The following SLC5A4 variants were observed in gnomAD, a reference collection of about 807,000 sequenced individuals.
SLC5A4 encodes solute carrier family 5 member 4, also known as probable glucose sensor protein SLC5A4.
In SLC5A4, 55 loss-of-function variants were observed where a neutral mutation model predicts 70.3. The observed-to-expected ratio is 0.78, with a 90% CI of 0.63 to 0.98. The LOEUF (loss-of-function observed/expected upper bound fraction) is 0.98, where lower values mean the gene tolerates loss of function less well. Ranked by LOEUF, SLC5A4 falls within the 50% of genes least tolerant of loss-of-function variation. SLC5A4 has a pLI of 0.00. For missense variants in SLC5A4, 735 were observed against 839.2 expected (o/e 0.88, Z 1.53); for synonymous variants, 268 against 305.7 (o/e 0.88, Z 1.29).
the SLC5A4 span, among the ~76,000 whole-genome samples, chr22:32,267,317 A>G: frequency 2.0e-5 from 3 of 152,170 alleles, no homozygotes; most frequent in African/African-American, 7.2e-5. Flanking sequence ...GAGGAGGGAC[A>G]CTCTACACAA....
the SLC5A4 span, chr22:32,285,132 G>A: frequency 3.3e-5 from 5 of 152,110 alleles, no homozygotes; most frequent in African/African-American, 9.7e-5. Context: ...AATAAAAGTA[G>A]ATGTGTGTGT....
the SLC5A4 span, among the ~76,000 whole-genome samples, chr22:32,291,953 A>G: frequency 2.1e-5 from 3 of 144,676 alleles, no homozygotes; most frequent in African/African-American, 7.6e-5. Flanking sequence ...GCTCACTGCA[A>G]CCTTTGCCTC....
chr22:32,305,680 G>C, the SLC5A4 span, among the ~76,000 whole-genome samples: 1 of 149,648 alleles, frequency 6.7e-6, no homozygotes, highest in South Asian at 2.1e-4. Flanking sequence ...AGGGACACAC[G>C]GTCCCAGTGT....
the SLC5A4 span, among the ~76,000 whole-genome samples, chr22:32,312,973 T>TA: frequency 2.0e-5 from 3 of 152,302 alleles, no homozygotes; most frequent in Admixed American, 2.0e-4. Context: ...CATGTGACTT[T>TA]AAGACTGGAA....
chr22:32,321,537 T>G, the SLC5A4 span, among the ~76,000 whole-genome samples: 1 of 152,118 alleles, frequency 6.6e-6, no homozygotes, highest in Non-Finnish European at 1.5e-5. Context: ...GTCATGGGGG[T>G]TTGTTGTACA....
rs1330776709 is a variant in SLC5A4, at chr22:32,238,974, A to C, written c.583+11T>G. On this transcript the variant is annotated intron_variant, in intron 6 of 14. Coordinates refer to ENST00000266086, the MANE Select transcript of SLC5A4 (RefSeq NM_014227.3). ...GATAGCCTGAGTGAGCAAAATATGC[A>C]ACATACTTACCAGTGGTGGTGTAAA... 6.3e-7 allele frequency: 1 copy of C among 1,596,286 alleles called. No homozygotes were observed. The highest frequency in any genetic ancestry group is 2.2e-5 in the East Asian group (1 of 44,802).
the SLC5A4 span, among the ~76,000 whole-genome samples, chr22:32,302,032 TAGAAG>T: frequency 6.6e-6 from 1 of 152,142 alleles, no homozygotes; most frequent in Admixed American, 6.5e-5. Flanking sequence ...ATAAAGTTCT[TAGAAG>T]AGAACATATG....
chr22:32,256,037 G>T (rs534627186), upstream of SLC5A4, among the ~76,000 whole-genome samples: 1 of 152,204 alleles, frequency 6.6e-6, no homozygotes, highest in South Asian at 2.1e-4. Context: ...TAGAAGTAAA[G>T]CCTATGCGGT....
chr22:32,305,572 G>T, the SLC5A4 span, among the ~76,000 whole-genome samples: 2 of 148,370 alleles, frequency 1.3e-5, no homozygotes, highest in Non-Finnish European at 3.0e-5. Flanking sequence ...CAGGTGAGGT[G>T]GGACTGGGCT....
chr22:32,270,904 G>A, the SLC5A4 span: 1 of 568,650 alleles, frequency 1.8e-6, no homozygotes, highest in Non-Finnish European at 3.3e-6. Context: ...CGCTGTGCCT[G>A]TACCGAGACC....
chr22:32,276,969 G>C, the SLC5A4 span: 6 of 151,928 alleles, frequency 3.9e-5, no homozygotes, highest in African/African-American at 1.2e-4. Context: ...CTTATAATTT[G>C]TTTTGGCATC....
At chr22:32,256,199 T>C (rs1390176238), upstream of SLC5A4, among the ~76,000 whole-genome samples, 4 of 152,004 alleles carry the variant, frequency 2.6e-5, no homozygotes, top group African/African-American at 9.7e-5. Context: ...TCCCAGCTAC[T>C]TGGGAGGCTG....
intron 6 of SLC5A4, among the ~76,000 whole-genome samples, chr22:32,238,643 G>A (rs1484051694): frequency 1.3e-5 from 2 of 152,110 alleles, no homozygotes; most frequent in Admixed American, 1.3e-4. Flanking sequence ...TCATTTGCTA[G>A]TCTCCTATCT....
At chr22:32,273,062 C>T in the SLC5A4 span, 1 of 520,064 alleles carries the variant, frequency 1.9e-6, no homozygotes, top group Non-Finnish European at 3.8e-6. Flanking sequence ...TATCCGACAT[C>T]ATCCTGGATG....
At chr22:32,291,285 C>T in the SLC5A4 span, among the ~76,000 whole-genome samples, 2 of 150,486 alleles carry the variant, frequency 1.3e-5, no homozygotes, top group African/African-American at 4.9e-5. Context: ...AAGCGATTCT[C>T]TTGCCTCAGC....
chr22:32,311,399 C>T, the SLC5A4 span, among the ~76,000 whole-genome samples: 1,747 of 152,318 alleles, frequency 0.011, 16 homozygotes, highest in South Asian at 0.026. Flanking sequence ...GATTTGGTAT[C>T]ACTAACACCC....
the SLC5A4 span, among the ~76,000 whole-genome samples, chr22:32,314,229 C>CT: frequency 6.6e-6 from 1 of 152,094 alleles, no homozygotes; most frequent in Admixed American, 6.5e-5. Context: ...CCATCACCGA[C>CT]TTTTTTTTCT....
intron 3 of SLC5A4, among the ~76,000 whole-genome samples, chr22:32,250,504 G>A (rs564434863): frequency 1.3e-5 from 2 of 152,310 alleles, no homozygotes; most frequent in African/African-American, 4.8e-5. Flanking sequence ...GAGCAAGGCT[G>A]TGGGAGTGCA....
At chr22:32,248,870 A>G in intron 3 of SLC5A4, 68 bp from the exon 4 acceptor site, 4 of 1,029,562 alleles carry the variant, frequency 3.9e-6, no homozygotes, top group African/African-American at 1.6e-5. Context: ...TTCTCCTTCT[A>G]TGACCTCTGA....
Sources: gnomAD v4.1 joint callset for allele counts (sites outside exome capture counted in the v4.1 genomes callset) on GRCh38, gnomAD v4.1.1 for gene constraint, MANE v1.5 for transcripts, NCBI Gene and HGNC (gene_info 2026-07-23, HGNC 2026-07-21) for gene names.